CCSER1: variants seen among roughly 807,000 people sequenced by gnomAD.
CCSER1 encodes coiled-coil serine rich protein 1, also known as serine-rich coiled-coil domain-containing protein 1.
A neutral mutation model predicts 82.0 loss-of-function variants in CCSER1; 41 were observed. That is an observed-to-expected ratio of 0.50 (90% CI 0.39 to 0.65). The LOEUF is 0.65. Among genes scored for constraint, CCSER1 ranks in the 30% least tolerant of loss-of-function variants. The probability of loss-of-function intolerance (pLI) is 0.00; values close to 1 mark genes in which losing one functional copy is unlikely to be tolerated. For missense variants in CCSER1, 1,119 were observed against 1,064.2 expected, an observed-to-expected ratio of 1.05 and a Z score of -0.72; for synonymous variants, 414 against 383.9, an observed-to-expected ratio of 1.08 and a Z score of -0.92.
At position 90,409,471 on chromosome 4, in the gene CCSER1, A is replaced by G. The variant is rs1578328140; in HGVS notation, c.1603+9342A>G. On this transcript the variant is annotated intron_variant, in intron 4 of 10. Coordinates refer to ENST00000509176, the MANE Select transcript of CCSER1 (RefSeq NM_001145065.2). Reference sequence around the variant, plus strand: ...ACAAGCCAGAAGAGAGTGGGGGCCAATATTCAACATTCTTAAAGAAAAGAA... The same window carrying G: ...ACAAGCCAGAAGAGAGTGGGGGCCAGTATTCAACATTCTTAAAGAAAAGAA... Among the ~76,000 whole-genome samples, 3 of 152,336 alleles carry G rather than the reference A, an allele frequency of 2.0e-5. No individual in the cohort carries two copies. In the South Asian group the frequency reaches 6.2e-4, roughly 32 times the overall value.
chr4:91,180,079 A>G (rs1426914983), intron 10 of CCSER1, among the ~76,000 whole-genome samples: 2 of 152,206 alleles, frequency 1.3e-5, no homozygotes, highest in African/African-American at 4.8e-5. Context: ...GGTCCACTCT[A>G]GACCCTCTTT....
At chr4:91,130,932 C>T (rs185653614) in intron 10 of CCSER1, among the ~76,000 whole-genome samples, 46 of 151,684 alleles carry the variant, frequency 3.0e-4, no homozygotes, top group Admixed American at 3.0e-3. Flanking sequence ...ACATCTAAAA[C>T]TTTGATACCT....
At chr4:90,869,322 T>G (rs1232376841) in intron 8 of CCSER1, among the ~76,000 whole-genome samples, 1 of 152,088 alleles carries the variant, frequency 6.6e-6, no homozygotes, top group East Asian at 1.9e-4. Context: ...TTTAGCAGTT[T>G]CATAGTTTGA....
intron 6 of CCSER1, among the ~76,000 whole-genome samples, chr4:90,702,154 A>G (rs912879523): frequency 1.3e-5 from 2 of 152,070 alleles, no homozygotes; most frequent in Admixed American, 6.6e-5. Context: ...TCCCATCAAT[A>G]TCTATTTTAT....
intron 10 of CCSER1, among the ~76,000 whole-genome samples, chr4:91,551,965 G>T (rs559986536): frequency 4.5e-4 from 69 of 151,814 alleles, no homozygotes; most frequent in Non-Finnish European, 8.2e-4. Flanking sequence ...AAATGCTGTG[G>T]CAGTTTGAAT....
rs566039189 is a variant in CCSER1 at position 91,440,595 on chromosome 4, G to C, written c.2218-157977G>C. On this transcript the variant is annotated intron_variant, in intron 10 of 10. Transcript: ENST00000509176. Reference sequence around the variant, plus strand: ...AACAGCAAACACATTCAAAAGCTAGGAGAAGGCAAGAAATAACTAAAATCA... The same window carrying C: ...AACAGCAAACACATTCAAAAGCTAGCAGAAGGCAAGAAATAACTAAAATCA... 1.9e-3 allele frequency among the ~76,000 whole-genome samples: 293 copies of C among 152,104 alleles called. 2 individuals carry two copies. The highest frequency in any genetic ancestry group is 3.5e-3 in the Non-Finnish European group (238 of 67,974).
rs544428290 is a variant in CCSER1, at chr4:91,294,384, T to G, written c.2217+208390T>G. On this transcript the variant is annotated intron_variant, in intron 10 of 10. Coordinates refer to ENST00000509176, the MANE Select transcript of CCSER1 (RefSeq NM_001145065.2). ...TACGTTATTTAATCTTCCTGATAGA[T>G]CCGAAAAGTGAAACCTTGTCCCATT... is the stretch of plus-strand genomic sequence containing the variant. Among the ~76,000 whole-genome samples, 3 of 152,018 alleles carry G rather than the reference T, an allele frequency of 2.0e-5. No homozygotes were observed. In the South Asian group the frequency reaches 6.2e-4, roughly 31 times the overall value.
At chr4:91,598,045 T>G (rs1764663557) in intron 10 of CCSER1, among the ~76,000 whole-genome samples, 1 of 152,158 alleles carries the variant, frequency 6.6e-6, no homozygotes, top group Non-Finnish European at 1.5e-5. Flanking sequence ...GGTCTATTGG[T>G]CTTCTTAGAT....
In CCSER1 at chr4:91,464,488, A is replaced by G. The variant is rs536511743; in HGVS notation, c.2218-134084A>G. Among the ~76,000 whole-genome samples the G allele has an allele frequency of 1.2e-4, 18 of 152,354 alleles. 1 individual carries two copies. In the South Asian group the frequency reaches 3.1e-3, roughly 26 times the overall value. ...AGCTAACATCGTAATGACAGGATCAAATTCACACATAACAATATAAACCTT... is the reference window on the plus strand; with the variant it reads ...AGCTAACATCGTAATGACAGGATCAGATTCACACATAACAATATAAACCTT... On this transcript the variant is annotated intron_variant, in intron 10 of 10. Transcript: ENST00000509176.
intron 6 of CCSER1, among the ~76,000 whole-genome samples, chr4:90,650,541 A>G (rs1333337243): frequency 6.6e-6 from 1 of 152,198 alleles, no homozygotes; most frequent in African/African-American, 2.4e-5. Flanking sequence ...AAGGGAGATA[A>G]TCAGTGAATG....
intron 5 of CCSER1, among the ~76,000 whole-genome samples, chr4:90,622,538 G>A (rs373613468): frequency 2.4e-4 from 37 of 151,980 alleles, no homozygotes; most frequent in African/African-American, 6.3e-4. Context: ...TTGTCCTTGC[G>A]ATAGTTTGCT....
intron 10 of CCSER1, among the ~76,000 whole-genome samples, chr4:91,147,294 C>T (rs1420120303): frequency 1.3e-5 from 2 of 152,156 alleles, no homozygotes; most frequent in Admixed American, 1.3e-4. Flanking sequence ...AGCTCATTCT[C>T]CCCCAATCCA....
intron 9 of CCSER1, among the ~76,000 whole-genome samples, chr4:90,956,484 C>T (rs1212804323): frequency 6.6e-6 from 1 of 152,116 alleles, no homozygotes; most frequent in Non-Finnish European, 1.5e-5. Context: ...GGACACTATT[C>T]AGACAGGCAT....
At chr4:90,158,354 G>T (rs999778757) in intron 1 of CCSER1, among the ~76,000 whole-genome samples, 2 of 152,204 alleles carry the variant, frequency 1.3e-5, no homozygotes, top group Non-Finnish European at 2.9e-5. Flanking sequence ...GAGGCCGTCT[G>T]CCCGTTCTCA....
In CCSER1 at chr4:90,476,547, A is replaced by AT. The variant is rs369588944; in HGVS notation, c.1724+8202dup. 3.4e-4 allele frequency among the ~76,000 whole-genome samples: 52 copies of AT among 151,430 alleles called. 1 individual carries two copies. Among genetic ancestry groups the AT allele is most frequent in the Non-Finnish European group, 6.9e-4 (47 of 67,836 alleles). On this transcript the variant is annotated intron_variant, in intron 5 of 10. Transcript: ENST00000509176. ...GGACTGATTGCCATCAATCTTCTGT[A>AT]TTTTTTTTTATCATCTCTATTCAAC...
intron 10 of CCSER1, among the ~76,000 whole-genome samples, chr4:91,297,043 A>T (rs1744234558): frequency 6.6e-6 from 1 of 151,758 alleles, no homozygotes; most frequent in Admixed American, 6.6e-5. Flanking sequence ...TATAGAGATG[A>T]GTGTATCCCA....
chr4:91,379,222 T>C (rs559454109), intron 10 of CCSER1, among the ~76,000 whole-genome samples: 1 of 152,152 alleles, frequency 6.6e-6, no homozygotes, highest in East Asian at 1.9e-4. Flanking sequence ...CTTTTTTTGT[T>C]GTGTCTCTGT....
rs1724617136 is a variant in CCSER1, at chr4:91,097,425, T to C, written c.2217+11431T>C. On this transcript the variant is annotated intron_variant, in intron 10 of 10. Coordinates refer to ENST00000509176, the MANE Select transcript of CCSER1 (RefSeq NM_001145065.2). ...GATCAAGGATCACTTTTATATAATTTGCATGACTCAGATCTCTTAAAGTGA... is the reference window on the plus strand; with the variant it reads ...GATCAAGGATCACTTTTATATAATTCGCATGACTCAGATCTCTTAAAGTGA... Among the ~76,000 whole-genome samples the C allele has an allele frequency of 2.6e-5, 4 of 152,218 alleles. No individual in the cohort carries two copies. The South Asian group carries it at 8.3e-4, about 32-fold the overall frequency.
intron 8 of CCSER1, chr4:90,918,155 G>C (rs1313027054): frequency 2.6e-6 from 1 of 384,156 alleles, no homozygotes; most frequent in Non-Finnish European, 5.2e-6. Flanking sequence ...ACTAGTGTCT[G>C]TTAATTGTAT....
Sources: gnomAD v4.1 joint callset for allele counts (sites outside exome capture counted in the v4.1 genomes callset) on GRCh38, gnomAD v4.1.1 for gene constraint, MANE v1.5 for transcripts, NCBI Gene and HGNC (gene_info 2026-07-23, HGNC 2026-07-21) for gene names.